The following SIL1 variants were observed in gnomAD, a reference collection of about 807,000 sequenced individuals.
SIL1 encodes the protein SIL1 nucleotide exchange factor.
Under a neutral mutation model 49.1 loss-of-function variants are expected in SIL1, and 40 were observed. The observed-to-expected ratio is 0.81, with a 90% CI of 0.63 to 1.06. The LOEUF is 1.06. SIL1 is among the 50% of genes least tolerant of loss of function. The probability of loss-of-function intolerance (pLI) is 0.00; values close to 1 mark genes in which losing one functional copy is unlikely to be tolerated. For missense variants in SIL1, 500 were observed against 572.6 expected (o/e 0.87, Z 1.29); for synonymous variants, 253 against 250.8 (o/e 1.01, Z -0.08).
chr5:139,090,423 G>A (rs1014175725), intron 3 of SIL1, among the ~76,000 whole-genome samples: 5 of 152,006 alleles, frequency 3.3e-5, no homozygotes, highest in Admixed American at 2.0e-4. Flanking sequence ...AAACAGGAGC[G>A]CACAGAAATA....
intron 7 of SIL1, among the ~76,000 whole-genome samples, chr5:138,980,455 A>G (rs1448277503): frequency 6.6e-6 from 1 of 152,192 alleles, no homozygotes; most frequent in Non-Finnish European, 1.5e-5. Flanking sequence ...AGGTAACCTA[A>G]GAGACAAGCA....
At chr5:139,135,045 A>G (rs1470237596) in intron 1 of SIL1, among the ~76,000 whole-genome samples, 1 of 152,226 alleles carries the variant, frequency 6.6e-6, no homozygotes, top group East Asian at 1.9e-4. Context: ...TTTAAAGAAT[A>G]ATTTGAAGGA....
At chr5:138,986,566 G>A (rs953965286) in intron 7 of SIL1, among the ~76,000 whole-genome samples, 12 of 152,056 alleles carry the variant, frequency 7.9e-5, no homozygotes, top group African/African-American at 2.4e-4. Context: ...TCTCCCAGGC[G>A]CAGGACAACA....
At chr5:139,083,069 G>A (rs1210752210) in intron 3 of SIL1, among the ~76,000 whole-genome samples, 1 of 152,202 alleles carries the variant, frequency 6.6e-6, no homozygotes, top group African/African-American at 2.4e-5. Flanking sequence ...CCTGATTTAG[G>A]AGCAAGAAGC....
intron 3 of SIL1, among the ~76,000 whole-genome samples, chr5:139,087,452 G>A (rs2151774275): frequency 6.6e-6 from 1 of 152,278 alleles, no homozygotes; most frequent in South Asian, 2.1e-4. Context: ...GCGGAGGCGG[G>A]AGAACTGCTT....
In SIL1 at chr5:139,143,272, C is replaced by T. The variant is rs1041872845; in HGVS notation, c.-10-15419G>A. ...ATACATATATAAACACATATATACA[C>T]ACATATGTATATACACATGTGTATA... On this transcript the variant is annotated intron_variant, in intron 1 of 9. Transcript: ENST00000394817. Among the ~76,000 whole-genome samples the T allele has an allele frequency of 4.1e-5, 6 of 147,034 alleles. No individual in the cohort carries two copies. The Admixed American group carries it at 4.1e-4, about 10-fold the overall frequency.
intron 7 of SIL1, among the ~76,000 whole-genome samples, chr5:139,020,149 A>G (rs1178694670): frequency 6.6e-6 from 1 of 152,342 alleles, no homozygotes; most frequent in African/African-American, 2.4e-5. Flanking sequence ...ACAGGGAGCC[A>G]GGGCTTGAAG....
At chr5:139,185,794 G>A (rs543089810) in intron 1 of SIL1, among the ~76,000 whole-genome samples, 15 of 152,304 alleles carry the variant, frequency 9.8e-5, no homozygotes, top group Admixed American at 8.5e-4. Flanking sequence ...AGACCTAGAA[G>A]GTGATGCCAG....
chr5:139,181,162 C>T (rs1751975572), intron 1 of SIL1, among the ~76,000 whole-genome samples: 1 of 152,170 alleles, frequency 6.6e-6, no homozygotes, highest in African/African-American at 2.4e-5. Context: ...AATAATTATG[C>T]AGTGCTCTCT....
At chr5:139,111,893 G>A (rs557417124) in intron 3 of SIL1, among the ~76,000 whole-genome samples, 3 of 152,132 alleles carry the variant, frequency 2.0e-5, no homozygotes, top group Non-Finnish European at 2.9e-5. Context: ...CTCTGATGCC[G>A]AGCCAAAGCT....
chr5:139,009,122 C>G (rs1356573167), intron 7 of SIL1, among the ~76,000 whole-genome samples: 1 of 151,564 alleles, frequency 6.6e-6, no homozygotes, highest in Non-Finnish European at 1.5e-5. Flanking sequence ...TCACTCAGGA[C>G]TTGCGTTATG....
At chr5:139,050,856 G>A (rs563799825) in intron 4 of SIL1, 82 bp downstream of exon 4, 1 of 1,164,276 alleles carries the variant, frequency 8.6e-7, no homozygotes, top group Admixed American at 1.7e-5. Context: ...AAAGCCACAT[G>A]AATTTGGGTA....
chr5:139,180,586 C>T (rs752837519), intron 1 of SIL1, among the ~76,000 whole-genome samples: 1 of 152,030 alleles, frequency 6.6e-6, no homozygotes, highest in Non-Finnish European at 1.5e-5. Context: ...TGAGCACAAC[C>T]CACCACAATT....
intron 3 of SIL1, among the ~76,000 whole-genome samples, chr5:139,055,531 G>C (rs1769385233): frequency 6.6e-6 from 1 of 151,978 alleles, no homozygotes; most frequent in Non-Finnish European, 1.5e-5. Context: ...ACAGATGTTT[G>C]AAATGTGCTT....
intron 7 of SIL1, among the ~76,000 whole-genome samples, chr5:138,996,802 G>A (rs1232595810): frequency 1.3e-5 from 2 of 152,084 alleles, no homozygotes; most frequent in East Asian, 3.9e-4. Flanking sequence ...ACAGGTGTGA[G>A]CCACCATGCC....
intron 2 of SIL1, 149 bp from the exon 3 acceptor site, chr5:139,121,322 G>T: frequency 9.1e-7 from 1 of 1,102,330 alleles, no homozygotes; most frequent in South Asian, 1.4e-5. Flanking sequence ...CTTTCCCAAG[G>T]TCAGCCTCAG....
At chr5:139,165,803 A>G (rs1158556245) in intron 1 of SIL1, among the ~76,000 whole-genome samples, 4 of 151,852 alleles carry the variant, frequency 2.6e-5, no homozygotes, top group Non-Finnish European at 5.9e-5. Context: ...GGCTACAGGT[A>G]CATGCCCACC....
At position 139,074,223 on chromosome 5, in the gene SIL1, A is replaced by AT. The variant is rs1394211566; in HGVS notation, c.245-23178dup. Among the ~76,000 whole-genome samples, 3 of 152,192 alleles carry AT rather than the reference A, an allele frequency of 2.0e-5. No individual in the cohort carries two copies. The East Asian group carries it at 5.8e-4, about 29-fold the overall frequency. On this transcript the variant is annotated intron_variant, in intron 3 of 9. Transcript: ENST00000394817. ...AAGCATGCATCACCACACCCAGCTA[A>AT]TGTTTTAATTTTTTGTAGAGACAAG...
intron 1 of SIL1, among the ~76,000 whole-genome samples, chr5:139,175,827 G>A (rs989316188): frequency 1.5e-4 from 23 of 152,298 alleles, no homozygotes; most frequent in African/African-American, 4.1e-4. Context: ...ACTGAGCGTG[G>A]TGGCGCATGC....
Sources: allele counts gnomAD v4.1 joint callset (sites outside exome capture counted in the v4.1 genomes callset), GRCh38; gene constraint gnomAD v4.1.1; transcripts MANE v1.5; gene names NCBI Gene and HGNC (gene_info 2026-07-23, HGNC 2026-07-21).